Variants in TMC1 observed in about 807,000 individuals in gnomAD.
The protein encoded by TMC1 is transmembrane channel-like protein 1.
Under a neutral mutation model 105.8 loss-of-function variants are expected in TMC1, and 84 were observed. That is an observed-to-expected ratio of 0.79 (90% CI 0.67 to 0.95). TMC1 has a LOEUF of 0.95. TMC1 is among the 40% of genes least tolerant of loss of function. The pLI, the probability that TMC1 is intolerant of heterozygous loss-of-function variation, is 0.00. For missense variants in TMC1, 817 were observed against 914.1 expected, an observed-to-expected ratio of 0.89 and a Z score of 1.37; for synonymous variants, 315 against 311.5, an observed-to-expected ratio of 1.01 and a Z score of -0.12.
Position 72,618,710 on chromosome 9 carries a change from T to C in TMC1, c.-196+2233T>C, listed in dbSNP as rs149413509. 2.3e-3 allele frequency among the ~76,000 whole-genome samples: 347 copies of C among 152,264 alleles called. 3 individuals are homozygous for C. Among genetic ancestry groups the C allele is most frequent in the African/African-American group, 8.0e-3 (332 of 41,548 alleles). On this transcript the variant is annotated intron_variant, in intron 3 of 23. Transcript: ENST00000297784. Reference sequence around the variant, plus strand: ...TAATACATATGTTAATGTAATCATGTTTATGCTTATCATAACATATGGATG... The same window carrying C: ...TAATACATATGTTAATGTAATCATGCTTATGCTTATCATAACATATGGATG...
chr9:72,554,447 CA>C (rs1261129411), intron 1 of TMC1, among the ~76,000 whole-genome samples: 116 of 152,088 alleles, frequency 7.6e-4, no homozygotes, highest in Non-Finnish European at 1.2e-4. Flanking sequence ...TATTTCTCGT[CA>C]AAAGACAGAA....
intron 5 of TMC1, among the ~76,000 whole-genome samples, chr9:72,671,859 C>A (rs1826130915): frequency 6.6e-6 from 1 of 152,100 alleles, no homozygotes; most frequent in Non-Finnish European, 1.5e-5. Context: ...GAGTATCAAT[C>A]ATTATTTATT....
intron 2 of TMC1, among the ~76,000 whole-genome samples, chr9:72,598,791 C>T (rs1824760390): frequency 6.6e-6 from 1 of 151,766 alleles, no homozygotes; most frequent in African/African-American, 2.4e-5. Context: ...TACTGTTCTT[C>T]TCATGGGAGG....
intron 2 of TMC1, among the ~76,000 whole-genome samples, chr9:72,599,927 A>C (rs571871434): frequency 4.6e-5 from 7 of 152,354 alleles, no homozygotes; most frequent in African/African-American, 1.7e-4. Context: ...ATTATAATGC[A>C]ATGTAAAATT....
chr9:72,724,817 T>G (rs1169341826), intron 8 of TMC1, among the ~76,000 whole-genome samples: 1 of 152,202 alleles, frequency 6.6e-6, no homozygotes, highest in Non-Finnish European at 1.5e-5. Context: ...GAATTTTAGC[T>G]GTCAGTAACA....
intron 3 of TMC1, 63 bp from the exon 4 acceptor site, chr9:72,627,858 A>G: frequency 2.8e-6 from 1 of 356,378 alleles, no homozygotes; most frequent in Non-Finnish European, 5.5e-6. Flanking sequence ...TCAGATATGA[A>G]AGTTGAAAAG....
intron 4 of TMC1, among the ~76,000 whole-genome samples, chr9:72,638,324 C>T (rs1261957472): frequency 2.0e-5 from 3 of 152,172 alleles, no homozygotes; most frequent in Non-Finnish European, 4.4e-5. Flanking sequence ...AACCTAGAGG[C>T]CCGGGAGTCA....
chr9:72,806,683 G>A (rs1296630383), intron 18 of TMC1, among the ~76,000 whole-genome samples: 12 of 151,580 alleles, frequency 7.9e-5, no homozygotes, highest in Non-Finnish European at 1.0e-4. Flanking sequence ...GGGCAGAGGC[G>A]CTCCTCACTT....
At chr9:72,605,167 C>T (rs1221290172) in intron 2 of TMC1, among the ~76,000 whole-genome samples, 2 of 152,188 alleles carry the variant, frequency 1.3e-5, no homozygotes, top group Non-Finnish European at 2.9e-5. Context: ...AAAGACAAAT[C>T]ACTGCTCATC....
In TMC1 at chr9:72,762,182, C is replaced by G. The variant is rs116771559; in HGVS notation, c.741+7298C>G. ...TCTTGGCCAGGCTAACGGTGAGTCTCTAAACAAAGTATGTCCATTAGATAA... is the reference window on the plus strand; with the variant it reads ...TCTTGGCCAGGCTAACGGTGAGTCTGTAAACAAAGTATGTCCATTAGATAA... On this transcript the variant is annotated intron_variant, in intron 12 of 23. Coordinates refer to ENST00000297784, the MANE Select transcript of TMC1 (RefSeq NM_138691.3). 7.8e-3 allele frequency among the ~76,000 whole-genome samples: 1,195 copies of G among 152,254 alleles called. 16 individuals are homozygous for G. The highest frequency in any genetic ancestry group is 0.027 in the African/African-American group (1,137 of 41,540).
At chr9:72,631,971 G>A (rs1825460080) in intron 4 of TMC1, among the ~76,000 whole-genome samples, 1 of 152,220 alleles carries the variant, frequency 6.6e-6, no homozygotes, top group South Asian at 2.1e-4. Context: ...GAATACAAAA[G>A]TAATAAAATA....
intron 8 of TMC1, among the ~76,000 whole-genome samples, chr9:72,733,540 T>C (rs1268203841): frequency 6.6e-6 from 1 of 152,172 alleles, no homozygotes; most frequent in East Asian, 1.9e-4. Context: ...GCCCTGTTAG[T>C]AGTATTGCTG....
At chr9:72,627,771 G>T (rs760859598) in intron 3 of TMC1, 150 bp from the exon 4 acceptor site, 2 of 300,840 alleles carry the variant, frequency 6.6e-6, no homozygotes, top group Non-Finnish European at 1.3e-5. Context: ...CTTGTCTGTG[G>T]CATCTTTTTA....
intron 8 of TMC1, among the ~76,000 whole-genome samples, chr9:72,718,505 G>T (rs1826961091): frequency 6.6e-6 from 1 of 152,178 alleles, no homozygotes; most frequent in East Asian, 1.9e-4. Flanking sequence ...GGAGCTACTG[G>T]TCTCTGGGCT....
chr9:72,663,364 G>A (rs970293585), intron 5 of TMC1, among the ~76,000 whole-genome samples: 2 of 152,302 alleles, frequency 1.3e-5, no homozygotes, highest in African/African-American at 4.8e-5. Context: ...CTGTAATAGT[G>A]ATGTTATTTG....
chr9:72,543,508 C>T (rs760976294), intron 1 of TMC1, among the ~76,000 whole-genome samples: 1 of 152,122 alleles, frequency 6.6e-6, no homozygotes, highest in African/African-American at 2.4e-5. Flanking sequence ...TTGAGCCAGG[C>T]ACAGTGGCTC....
chr9:72,540,664 G>A (rs1823660031), intron 1 of TMC1, among the ~76,000 whole-genome samples: 1 of 152,082 alleles, frequency 6.6e-6, no homozygotes, highest in African/African-American at 2.4e-5. Flanking sequence ...CCCTAGTCAT[G>A]ATTCCCAGAA....
chr9:72,523,143 G>A (rs1823343948), intron 1 of TMC1, among the ~76,000 whole-genome samples: 2 of 152,168 alleles, frequency 1.3e-5, no homozygotes, highest in Admixed American at 6.5e-5. Flanking sequence ...GGAGTGAAGG[G>A]AAGAGCATCT....
chr9:72,532,541 C>CAAAAAAAAA (rs59010604), intron 1 of TMC1, among the ~76,000 whole-genome samples: 4 of 75,526 alleles, frequency 5.3e-5, no homozygotes, highest in Non-Finnish European at 7.8e-5. Context: ...GACTCCGTCT[C>CAAAAAAAAA]AAAAAAAAAA....
Sources: gnomAD v4.1 joint callset for allele counts (sites outside exome capture counted in the v4.1 genomes callset) on GRCh38, gnomAD v4.1.1 for gene constraint, MANE v1.5 for transcripts, NCBI Gene and HGNC (gene_info 2026-07-23, HGNC 2026-07-21) for gene names.